MARCHF1: variants seen among roughly 807,000 people sequenced by gnomAD.
The protein encoded by MARCHF1 is E3 ubiquitin-protein ligase MARCHF1.
Under a neutral mutation model 54.2 loss-of-function variants are expected in MARCHF1, and 40 were observed. The ratio of observed to expected loss-of-function variants is 0.74; its 90% CI spans 0.57 to 0.96. The LOEUF (loss-of-function observed/expected upper bound fraction) is 0.96, where lower values mean the gene tolerates loss of function less well. MARCHF1 is among the 40% of genes least tolerant of loss of function. The pLI, the probability that MARCHF1 is intolerant of heterozygous loss-of-function variation, is 0.00. For synonymous variants in MARCHF1, 236 were observed against 236.3 expected (o/e 1.00, Z 0.01); for missense variants, 586 against 656.5 (o/e 0.89, Z 1.17).
At chr4:163,844,060 A>G (rs974198517) in intron 4 of MARCHF1, among the ~76,000 whole-genome samples, 36 of 151,862 alleles carry the variant, frequency 2.4e-4, no homozygotes, top group African/African-American at 8.7e-4. Flanking sequence ...GGTTTGTTGT[A>G]CATATTATTT....
intron 1 of MARCHF1, among the ~76,000 whole-genome samples, chr4:164,183,469 T>A (rs1730886656): frequency 6.6e-6 from 1 of 152,196 alleles, no homozygotes; most frequent in South Asian, 2.1e-4. Context: ...TGTTGCTATG[T>A]AAAAGCTTCT....
chr4:164,205,902 T>G, intron 1 of MARCHF1, among the ~76,000 whole-genome samples: 1 of 152,214 alleles, frequency 6.6e-6, no homozygotes. Flanking sequence ...CACAGTAATA[T>G]CTTCTGAGCA....
intron 1 of MARCHF1, among the ~76,000 whole-genome samples, chr4:164,271,472 T>G (rs906671903): frequency 6.6e-6 from 1 of 152,188 alleles, no homozygotes; most frequent in Non-Finnish European, 1.5e-5. Flanking sequence ...AGGATATGGA[T>G]TCTACCCTAG....
chr4:163,983,778 G>T (rs1362772446), intron 3 of MARCHF1, among the ~76,000 whole-genome samples: 1 of 152,058 alleles, frequency 6.6e-6, no homozygotes, highest in Non-Finnish European at 1.5e-5. Flanking sequence ...GGAACTTTCT[G>T]ATTCTGGGAT....
intron 1 of MARCHF1, among the ~76,000 whole-genome samples, chr4:164,372,501 C>T (rs1731064372): frequency 6.6e-6 from 1 of 151,986 alleles, no homozygotes; most frequent in African/African-American, 2.4e-5. Context: ...TGAAGGGGAG[C>T]ATCCACTTTT....
At chr4:163,933,333 T>C (rs952713123) in intron 3 of MARCHF1, among the ~76,000 whole-genome samples, 23 of 152,210 alleles carry the variant, frequency 1.5e-4, no homozygotes, top group African/African-American at 5.5e-4. Context: ...TTGGATTTCC[T>C]ATAGCAAAGA....
chr4:164,245,715 C>G (rs917663394), intron 1 of MARCHF1, among the ~76,000 whole-genome samples: 59 of 150,578 alleles, frequency 3.9e-4, no homozygotes, highest in Non-Finnish European at 6.9e-4. Flanking sequence ...CGTCTCAGCC[C>G]AAAATCTCCT....
At chr4:163,942,567 G>GA (rs1751934328) in intron 3 of MARCHF1, among the ~76,000 whole-genome samples, 1 of 152,142 alleles carries the variant, frequency 6.6e-6, no homozygotes. Context: ...TTTCCACCTT[G>GA]AATACACTTC....
chr4:163,592,146 C>T (rs985934825), intron 7 of MARCHF1, among the ~76,000 whole-genome samples: 2 of 152,126 alleles, frequency 1.3e-5, no homozygotes, highest in African/African-American at 4.8e-5. Context: ...AAAATACAAT[C>T]ATGACATAAG....
intron 2 of MARCHF1, among the ~76,000 whole-genome samples, chr4:163,994,785 ACACACACAC>A (rs1753040294): frequency 4.7e-5 from 2 of 42,654 alleles, no homozygotes; most frequent in Non-Finnish European, 1.1e-4. Context: ...ACACACACAC[ACACACACAC>A]AAAACAAATG....
At position 164,269,892 on chromosome 4, in the gene MARCHF1, G is replaced by T. The variant is rs189014276; in HGVS notation, c.-323+113978C>A. On this transcript the variant is annotated intron_variant, in intron 1 of 9. Coordinates refer to ENST00000514618, the MANE Select transcript of MARCHF1 (RefSeq NM_001394959.1). ...AGCGTTATTTGTTTGTTCTTTTCATGATATTCTTTACAGTAGCCTCCTAAA... is the reference window on the plus strand; with the variant it reads ...AGCGTTATTTGTTTGTTCTTTTCATTATATTCTTTACAGTAGCCTCCTAAA... Among the ~76,000 whole-genome samples the T allele has an allele frequency of 2.2e-3, 332 of 152,172 alleles. 1 individual carries two copies. The highest frequency in any genetic ancestry group is 7.7e-3 in the African/African-American group (320 of 41,522).
intron 1 of MARCHF1, among the ~76,000 whole-genome samples, chr4:164,262,424 T>C (rs1321177452): frequency 6.6e-6 from 1 of 152,168 alleles, no homozygotes; most frequent in Non-Finnish European, 1.5e-5. Context: ...TTGATAGGAA[T>C]GGGAAGACAG....
At position 163,608,095 on chromosome 4, in the gene MARCHF1, G is replaced by A. The variant is rs111730475; in HGVS notation, c.1010+4176C>T. 4.1e-4 allele frequency among the ~76,000 whole-genome samples: 62 copies of A among 152,226 alleles called. 1 individual carries two copies. The highest frequency in any genetic ancestry group is 1.4e-3 in the African/African-American group (60 of 41,574). On this transcript the variant is annotated intron_variant, in intron 7 of 9. Transcript: ENST00000514618. Reference sequence around the variant, plus strand: ...TGTGTTGAGAATGTTCTATCTGCCAGGCATTGTTCCAGGTACTTTGGATTT... The same window carrying A: ...TGTGTTGAGAATGTTCTATCTGCCAAGCATTGTTCCAGGTACTTTGGATTT...
At chr4:163,908,631 T>C (rs1751122544) in intron 3 of MARCHF1, among the ~76,000 whole-genome samples, 1 of 152,118 alleles carries the variant, frequency 6.6e-6, no homozygotes, top group Non-Finnish European at 1.5e-5. Context: ...GAGTCCCATG[T>C]GCTAAATCAC....
At chr4:163,543,717 A>G (rs1738799834) in intron 9 of MARCHF1, among the ~76,000 whole-genome samples, 1 of 152,142 alleles carries the variant, frequency 6.6e-6, no homozygotes, top group Admixed American at 6.5e-5. Context: ...ATTCAGTCAC[A>G]TGTCTTAGAA....
intron 4 of MARCHF1, among the ~76,000 whole-genome samples, chr4:163,733,446 CTTTT>C (rs577218275): frequency 6.9e-6 from 1 of 144,412 alleles, no homozygotes; most frequent in Admixed American, 7.0e-5. Context: ...ATCTAGCCTT[CTTTT>C]TTTTTAATTT....
chr4:163,903,877 A>G (rs760770247), intron 3 of MARCHF1, among the ~76,000 whole-genome samples: 3 of 152,148 alleles, frequency 2.0e-5, no homozygotes, highest in Non-Finnish European at 4.4e-5. Flanking sequence ...TGGCCTCCCA[A>G]AGTTCTAGTA....
chr4:164,188,066 C>G (rs925919864), intron 1 of MARCHF1, among the ~76,000 whole-genome samples: 44 of 152,178 alleles, frequency 2.9e-4, no homozygotes, highest in Non-Finnish European at 1.9e-4. Context: ...CCTTCAAATG[C>G]CAAGTCAGCG....
At chr4:163,850,855 C>G (rs978299823) in intron 4 of MARCHF1, among the ~76,000 whole-genome samples, 2 of 152,088 alleles carry the variant, frequency 1.3e-5, no homozygotes, top group African/African-American at 4.8e-5. Flanking sequence ...AAACATTGAG[C>G]GGCTAGTGTG....
Sources: gnomAD v4.1 joint callset for allele counts (sites outside exome capture counted in the v4.1 genomes callset) on GRCh38, gnomAD v4.1.1 for gene constraint, MANE v1.5 for transcripts, NCBI Gene and HGNC (gene_info 2026-07-23, HGNC 2026-07-21) for gene names.